Variants in CDH13 observed in about 807,000 individuals in gnomAD.
CDH13 encodes the protein cadherin-13.
In CDH13, 24 loss-of-function variants were observed where a neutral mutation model predicts 63.8. That is an observed-to-expected ratio of 0.38 (90% CI 0.27 to 0.53). The LOEUF is 0.53. CDH13 is among the 20% of genes least tolerant of loss of function. The pLI is 0.85. For missense variants in CDH13, 1,049 were observed against 903.1 expected (o/e 1.16, Z -2.07); for synonymous variants, 503 against 355.3 (o/e 1.42, Z -4.67).
intron 1 of CDH13, among the ~76,000 whole-genome samples, chr16:82,632,696 C>T (rs1367838126): frequency 2.7e-5 from 4 of 148,540 alleles, no homozygotes; most frequent in South Asian, 2.2e-4. Context: ...AATTTTTCCA[C>T]GGACTAGAAT....
intron 8 of CDH13, among the ~76,000 whole-genome samples, chr16:83,656,460 C>G (rs1249729397): frequency 1.3e-5 from 2 of 152,050 alleles, no homozygotes; most frequent in East Asian, 1.9e-4. Flanking sequence ...AGGGCAGAGT[C>G]CAGGGTTGGG....
intron 4 of CDH13, among the ~76,000 whole-genome samples, chr16:83,177,254 A>T (rs771763941): frequency 4.9e-4 from 75 of 152,340 alleles, no homozygotes; most frequent in Non-Finnish European, 2.9e-4. Flanking sequence ...ATGACAATTG[A>T]TAACATTGCT....
At chr16:83,656,424 G>T (rs1765249015) in intron 8 of CDH13, among the ~76,000 whole-genome samples, 1 of 152,142 alleles carries the variant, frequency 6.6e-6, no homozygotes, top group Non-Finnish European at 1.5e-5. Flanking sequence ...TGCTGGCTGT[G>T]ACTTGGCACT....
At chr16:82,683,848 A>G (rs879585720) in intron 1 of CDH13, among the ~76,000 whole-genome samples, 1 of 152,202 alleles carries the variant, frequency 6.6e-6, no homozygotes, top group African/African-American at 2.4e-5. Flanking sequence ...ATTATATTAC[A>G]TATTATTAGG....
At chr16:83,136,425 G>A (rs1391616450) in intron 4 of CDH13, among the ~76,000 whole-genome samples, 3 of 148,346 alleles carry the variant, frequency 2.0e-5, no homozygotes, top group Non-Finnish European at 3.0e-5. Context: ...GGCAGAGTTT[G>A]TAGTGAGCCG....
At chr16:82,682,843 C>G (rs1023940436) in intron 1 of CDH13, among the ~76,000 whole-genome samples, 22 of 152,200 alleles carry the variant, frequency 1.4e-4, no homozygotes, top group Admixed American at 3.9e-4. Context: ...ACCCTGAGGA[C>G]TGGTGCTTCC....
rs142245623 is a variant in CDH13 at position 83,035,746 on chromosome 16, T to G, written c.366+3528T>G. On this transcript the variant is annotated intron_variant, in intron 3 of 13. Coordinates refer to ENST00000567109, the MANE Select transcript of CDH13 (RefSeq NM_001257.5). ...TGTTTCTCTTCTAAGCTGTGTTACCTTCAGTCAATTGCTTTACCTCCTGAG... is the reference window on the plus strand; with the variant it reads ...TGTTTCTCTTCTAAGCTGTGTTACCGTCAGTCAATTGCTTTACCTCCTGAG... Among the ~76,000 whole-genome samples, 9 of 152,318 alleles carry G rather than the reference T, an allele frequency of 5.9e-5. No individual in the cohort carries two copies. The East Asian group carries it at 1.7e-3, about 29-fold the overall frequency.
intron 2 of CDH13, among the ~76,000 whole-genome samples, chr16:83,030,534 C>G (rs997798534): frequency 1.3e-5 from 2 of 150,372 alleles, no homozygotes; most frequent in African/African-American, 4.9e-5. Flanking sequence ...TCCCAGCTAC[C>G]CAGGAGGCTG....
At chr16:83,316,364 A>C (rs2090105449) in intron 5 of CDH13, among the ~76,000 whole-genome samples, 1 of 152,202 alleles carries the variant, frequency 6.6e-6, no homozygotes, top group African/African-American at 2.4e-5. Context: ...TGGAGGGGGA[A>C]TCTAGTTTGA....
intron 7 of CDH13, among the ~76,000 whole-genome samples, chr16:83,530,557 T>G (rs2075060532): frequency 6.6e-6 from 1 of 152,230 alleles, no homozygotes; most frequent in Non-Finnish European, 1.5e-5. Context: ...ATGGTCTCTG[T>G]GAGTCTACTC....
chr16:83,088,786 T>A (rs2033742320), intron 3 of CDH13, among the ~76,000 whole-genome samples: 1 of 152,146 alleles, frequency 6.6e-6, no homozygotes, highest in Non-Finnish European at 1.5e-5. Context: ...TTATGGTAAT[T>A]TTTTTTGCCA....
chr16:83,251,588 G>C (rs1318666703), intron 5 of CDH13, among the ~76,000 whole-genome samples: 4 of 152,178 alleles, frequency 2.6e-5, no homozygotes, highest in Non-Finnish European at 5.9e-5. Context: ...TGAATGTCAG[G>C]AGGCAGCAGA....
At chr16:83,293,310 G>A (rs1350774314) in intron 5 of CDH13, among the ~76,000 whole-genome samples, 1 of 152,160 alleles carries the variant, frequency 6.6e-6, no homozygotes, top group African/African-American at 2.4e-5. Flanking sequence ...AACCTGAAGA[G>A]TCACAGACAT....
At chr16:83,303,373 G>A (rs978255063) in intron 5 of CDH13, among the ~76,000 whole-genome samples, 1 of 152,188 alleles carries the variant, frequency 6.6e-6, no homozygotes, top group Non-Finnish European at 1.5e-5. Flanking sequence ...GGGAATGAGA[G>A]ATTGAGTCAA....
intron 6 of CDH13, among the ~76,000 whole-genome samples, chr16:83,387,145 G>C (rs1280106097): frequency 6.6e-6 from 1 of 152,118 alleles, no homozygotes; most frequent in East Asian, 1.9e-4. Context: ...TACAATGTCT[G>C]CCCCAGGAAC....
intron 4 of CDH13, among the ~76,000 whole-genome samples, chr16:83,188,382 G>A (rs939595568): frequency 6.6e-6 from 1 of 152,080 alleles, no homozygotes; most frequent in East Asian, 1.9e-4. Flanking sequence ...GGGGAAGTGA[G>A]GATTTTAGCT....
chr16:83,061,916 A>G (rs1043451527), intron 3 of CDH13, among the ~76,000 whole-genome samples: 4 of 152,186 alleles, frequency 2.6e-5, no homozygotes, highest in African/African-American at 7.2e-5. Context: ...GCTTACCTGA[A>G]GGAGAGGCCC....
rs1286164416 is a variant in CDH13, at chr16:82,812,398, A to G, written c.46-45964A>G. ...GAGTGGTCAGCAGGAAGCCTTGAGG[A>G]GTTCCAAAATCAGTGGCCAGCAGAG... On this transcript the variant is annotated intron_variant, in intron 1 of 13. Coordinates refer to ENST00000567109, the MANE Select transcript of CDH13 (RefSeq NM_001257.5). Among the ~76,000 whole-genome samples, 3 of 152,182 alleles carry G rather than the reference A, an allele frequency of 2.0e-5. No homozygotes were observed. The East Asian group carries it at 5.8e-4, about 29-fold the overall frequency.
At chr16:82,884,014 G>GT (rs112749948) in intron 2 of CDH13, among the ~76,000 whole-genome samples, 1,562 of 151,216 alleles carry the variant, frequency 0.01, 11 homozygotes, top group Middle Eastern at 0.017. Flanking sequence ...CATCATAGGT[G>GT]TTTTTTTTTG....
Sources: gnomAD v4.1 joint callset for allele counts (sites outside exome capture counted in the v4.1 genomes callset) on GRCh38, gnomAD v4.1.1 for gene constraint, MANE v1.5 for transcripts, NCBI Gene and HGNC (gene_info 2026-07-23, HGNC 2026-07-21) for gene names.